GABRA3: variants seen among roughly 807,000 people sequenced by gnomAD.
GABRA3 encodes the protein gamma-aminobutyric acid receptor subunit alpha-3.
Under a neutral mutation model 30.1 loss-of-function variants are expected in GABRA3, and 10 were observed. That is an observed-to-expected ratio of 0.33 (90% confidence interval 0.20 to 0.56). The LOEUF is 0.56. Among genes scored for constraint, GABRA3 ranks in the 20% least tolerant of loss-of-function variants. The probability of loss-of-function intolerance (pLI) is 0.89; values close to 1 mark genes in which losing one functional copy is unlikely to be tolerated. For missense variants in GABRA3, 233 were observed against 392.0 expected (o/e 0.59, Z 3.42); for synonymous variants, 151 against 146.8 (o/e 1.03, Z -0.21).
Position 152,289,822 on chromosome X carries a change from C to T in GABRA3, c.263-5087G>A, listed in dbSNP as rs1939369552. Among the ~76,000 whole-genome samples, 2 of 111,403 alleles carry T rather than the reference C, an allele frequency of 1.8e-5. 1 individual carries two copies. The highest frequency in any genetic ancestry group is 1.9e-4 in the Admixed American group (2 of 10,411). ...CAGAATGACGGTTTCCAGCTGCATC[C>T]ATGTCCCTGCAAAGGACATGAACTC... On this transcript the variant is annotated intron_variant, in intron 3 of 9. Coordinates refer to ENST00000370314, the MANE Select transcript of GABRA3 (RefSeq NM_000808.4).
intron 1 of GABRA3, among the ~76,000 whole-genome samples, chrX:152,414,350 G>A (rs1256963712): frequency 9.0e-6 from 1 of 111,221 alleles, no homozygotes; most frequent in African/African-American, 3.3e-5. Flanking sequence ...TAACCTGAAT[G>A]GAACTCAAGA....
At position 152,380,630 on chromosome X, in the gene GABRA3, T is replaced by C. The variant is rs571237195; in HGVS notation, c.-26-16034A>G. Among the ~76,000 whole-genome samples, 3 of 112,012 alleles carry C rather than the reference T, an allele frequency of 2.7e-5. No individual in the cohort carries two copies. The South Asian group carries it at 1.1e-3, about 42-fold the overall frequency. On this transcript the variant is annotated intron_variant, in intron 1 of 9. Coordinates refer to ENST00000370314, the MANE Select transcript of GABRA3 (RefSeq NM_000808.4). ...GGTATATACCCACAAGTGAGGTTAC[T>C]GGATCATATTGTAGTTCTATTCTTA...
At chrX:152,415,209 T>C (rs1369265983) in intron 1 of GABRA3, among the ~76,000 whole-genome samples, 1 of 111,322 alleles carries the variant, frequency 9.0e-6, no homozygotes, top group Admixed American at 9.6e-5. Context: ...GTAACAACTG[T>C]ACCACATCAT....
At chrX:152,346,877 C>A (rs1220458286) in intron 2 of GABRA3, among the ~76,000 whole-genome samples, 1 of 111,612 alleles carries the variant, frequency 9.0e-6, no homozygotes, top group Non-Finnish European at 1.9e-5. Flanking sequence ...AGGGAACCCT[C>A]GTACACTGTT....
chrX:152,277,436 G>C (rs1939107578), intron 4 of GABRA3, among the ~76,000 whole-genome samples: 1 of 110,833 alleles, frequency 9.0e-6, no homozygotes, highest in Non-Finnish European at 1.9e-5. Context: ...AAGCTGGATG[G>C]TCAGTTCTTT....
intron 6 of GABRA3, among the ~76,000 whole-genome samples, chrX:152,214,688 C>T (rs1453538657): frequency 4.5e-5 from 5 of 110,979 alleles, no homozygotes; most frequent in Non-Finnish European, 7.6e-5. Context: ...TTAACAATAT[C>T]AGTTCTTCCA....
intron 1 of GABRA3, among the ~76,000 whole-genome samples, chrX:152,447,587 T>C (rs1931120194): frequency 1.8e-5 from 2 of 112,159 alleles, no homozygotes; most frequent in African/African-American, 6.5e-5. Flanking sequence ...ACGGTATAAT[T>C]AACTGAACTG....
chrX:152,326,771 C>T (rs761815751), intron 3 of GABRA3, among the ~76,000 whole-genome samples: 1 of 111,166 alleles, frequency 9.0e-6, no homozygotes, highest in Non-Finnish European at 1.9e-5. Flanking sequence ...TAAAGACCAT[C>T]GATGCTAAGA....
intron 3 of GABRA3, among the ~76,000 whole-genome samples, chrX:152,328,966 A>C (rs981787657): frequency 1.8e-5 from 2 of 112,212 alleles, no homozygotes; most frequent in Non-Finnish European, 3.8e-5. Context: ...GTCTCAGCCC[A>C]AAATCTCCTT....
intron 5 of GABRA3, among the ~76,000 whole-genome samples, chrX:152,235,574 A>T (rs1015025863): frequency 8.9e-6 from 1 of 111,778 alleles, no homozygotes; most frequent in African/African-American, 3.2e-5. Flanking sequence ...ATTCAGTAAC[A>T]TTTCTACACA....
At chrX:152,427,928 C>G (rs963381856) in intron 1 of GABRA3, among the ~76,000 whole-genome samples, 1 of 111,952 alleles carries the variant, frequency 8.9e-6, no homozygotes, top group African/African-American at 3.3e-5. Flanking sequence ...CAGCCAAATC[C>G]TGGCTGGCGC....
At chrX:152,364,225 C>T (rs1928589051) in intron 2 of GABRA3, among the ~76,000 whole-genome samples, 1 of 111,077 alleles carries the variant, frequency 9.0e-6, no homozygotes, top group South Asian at 3.8e-4. Flanking sequence ...CAAGCCTGGG[C>T]CAGGGTGTTG....
intron 1 of GABRA3, among the ~76,000 whole-genome samples, chrX:152,432,554 A>G (rs1930672610): frequency 9.0e-6 from 1 of 111,519 alleles, no homozygotes; most frequent in African/African-American, 3.2e-5. Context: ...AGCAAATAGC[A>G]AACAAAAAAC....
At position 152,187,917 on chromosome X, in the gene GABRA3, A is replaced by G. The variant is rs180919367; in HGVS notation, c.1143+1813T>C. Among the ~76,000 whole-genome samples, 73 of 112,472 alleles carry G rather than the reference A, an allele frequency of 6.5e-4. No homozygotes were observed. In the Admixed American group the frequency reaches 6.6e-3, roughly 10 times the overall value. Reference sequence around the variant, plus strand: ...TAATAAATGTCTTAATGGAGTCATCAGAAAAAGAGAATGTGACCCATGGAT... The same window carrying G: ...TAATAAATGTCTTAATGGAGTCATCGGAAAAAGAGAATGTGACCCATGGAT... On this transcript the variant is annotated intron_variant, in intron 9 of 9. Transcript: ENST00000370314.
intron 1 of GABRA3, among the ~76,000 whole-genome samples, chrX:152,407,292 T>C (rs932411518): frequency 6.3e-5 from 7 of 111,335 alleles, no homozygotes; most frequent in African/African-American, 2.0e-4. Flanking sequence ...AAATGAAAAC[T>C]TGTTTTTAAA....
chrX:152,265,248 G>A (rs920873670), intron 4 of GABRA3, among the ~76,000 whole-genome samples: 1 of 111,158 alleles, frequency 9.0e-6, no homozygotes, highest in African/African-American at 3.3e-5. Context: ...ATGTTAGGCT[G>A]CAAAACAAGC....
At chrX:152,360,605 C>T (rs1247251793) in intron 2 of GABRA3, among the ~76,000 whole-genome samples, 4 of 74,904 alleles carry the variant, frequency 5.3e-5, no homozygotes, top group African/African-American at 1.0e-4. Context: ...CTAGATGACA[C>T]GTTAGTGGGT....
At chrX:152,309,185 G>A (rs1203948389) in intron 3 of GABRA3, among the ~76,000 whole-genome samples, 3 of 111,727 alleles carry the variant, frequency 2.7e-5, no homozygotes, top group Non-Finnish European at 5.6e-5. Context: ...CAAAGAGAGG[G>A]AGAGAGAACA....
At chrX:152,240,144 T>C (rs1938328608) in intron 5 of GABRA3, among the ~76,000 whole-genome samples, 1 of 103,886 alleles carries the variant, frequency 9.6e-6, no homozygotes, top group South Asian at 4.2e-4. Flanking sequence ...GGTTGTTCCT[T>C]TCCATGTTTA....
Sources: allele counts gnomAD v4.1 joint callset (sites outside exome capture counted in the v4.1 genomes callset), GRCh38; gene constraint gnomAD v4.1.1; transcripts MANE v1.5; gene names NCBI Gene and HGNC (gene_info 2026-07-23, HGNC 2026-07-21).